The following ZFP64 variants were observed in gnomAD, a reference collection of about 807,000 sequenced individuals.
The protein encoded by ZFP64 is ZFP64 zinc finger protein, also known as zinc finger protein 64.
ZFP64 carries 14 observed loss-of-function variants against 51.6 expected under a neutral mutation model. That is an observed-to-expected ratio of 0.27 (90% confidence interval 0.18 to 0.42). ZFP64 has a LOEUF of 0.42. ZFP64 is among the 10% of genes least tolerant of loss of function. ZFP64 has a pLI of 1.00. For synonymous variants in ZFP64, 375 were observed against 361.4 expected, an observed-to-expected ratio of 1.04 and a Z score of -0.43; for missense variants, 754 against 906.8, an observed-to-expected ratio of 0.83 and a Z score of 2.16.
At chr20:52,176,520 T>TTTTTTTTTTTTTTTTTTA in intron 2 of ZFP64, among the ~76,000 whole-genome samples, 1 of 150,594 alleles carries the variant, frequency 6.6e-6, no homozygotes, top group African/African-American at 2.5e-5. Flanking sequence ...TTTTTTTTTT[T>TTTTTTTTTTTTTTTTTTA]GAGACGGAGT....
At chr20:52,092,539 G>T (rs1341960140) in intron 7 of ZFP64, among the ~76,000 whole-genome samples, 2 of 152,172 alleles carry the variant, frequency 1.3e-5, no homozygotes, top group African/African-American at 4.8e-5. Context: ...ATGTAAAACT[G>T]CGAAGTCTGG....
chr20:52,142,075 T>C (rs1172864358), intron 5 of ZFP64, among the ~76,000 whole-genome samples: 1 of 151,982 alleles, frequency 6.6e-6, no homozygotes, highest in Non-Finnish European at 1.5e-5. Flanking sequence ...GGATAAGAAA[T>C]TGCTTAATGG....
chr20:52,097,465 T>C, intron 6 of ZFP64: 1 of 1,590,410 alleles, frequency 6.3e-7, no homozygotes, highest in Non-Finnish European at 8.5e-7. Flanking sequence ...TTTTTTTTTT[T>C]TTTTTTGGAG....
At position 52,113,421 on chromosome 20, in the gene ZFP64, T is replaced by C. The variant is rs1978699973; in HGVS notation, c.764-14834A>G. ...TTACCCTTGTACCCTTGCCAGGAAT[T>C]CTTTTTTTTTTTTTTTTTTTTTTTG... On this transcript the variant is annotated intron_variant, in intron 5 of 8. Coordinates refer to the ZFP64 transcript ENST00000361387. 1.4e-5 allele frequency among the ~76,000 whole-genome samples: 2 copies of C among 141,720 alleles called. 1 individual carries two copies. Among genetic ancestry groups the C allele is most frequent in the South Asian group, 4.3e-4 (2 of 4,634 alleles). 93.0% of individuals were successfully genotyped at this position (141,720 alleles called of 152,430 possible).
chr20:52,148,588 C>G (rs950620719), downstream of ZFP64, among the ~76,000 whole-genome samples: 2 of 152,068 alleles, frequency 1.3e-5, no homozygotes, highest in African/African-American at 4.8e-5. Context: ...GTGATCCCAG[C>G]TACGTGGGAG....
intron 2 of ZFP64, among the ~76,000 whole-genome samples, chr20:52,178,644 T>C (rs1158817778): frequency 6.6e-6 from 1 of 152,140 alleles, no homozygotes; most frequent in Admixed American, 6.6e-5. Flanking sequence ...GTGCCATCTC[T>C]AGCCACTGTT....
At chr20:52,137,874 T>C (rs7266304) in intron 5 of ZFP64, among the ~76,000 whole-genome samples, 15 of 152,028 alleles carry the variant, frequency 9.9e-5, no homozygotes, top group African/African-American at 3.4e-4. Context: ...TTAACAATCA[T>C]TGTTAAATAT....
chr20:52,097,501 C>T, intron 6 of ZFP64: 1 of 1,481,366 alleles, frequency 6.8e-7, no homozygotes, highest in Non-Finnish European at 9.1e-7. Context: ...GTCGCCCAGG[C>T]TGGAGTGCAG....
intron 5 of ZFP64, among the ~76,000 whole-genome samples, chr20:52,126,168 G>C (rs966338617): frequency 6.6e-6 from 1 of 152,174 alleles, no homozygotes; most frequent in Non-Finnish European, 1.5e-5. Context: ...AAAGTGCTGG[G>C]ATTTCAGGCA....
chr20:52,154,038 T>TA (rs963788517), intron 5 of ZFP64, among the ~76,000 whole-genome samples: 19 of 152,016 alleles, frequency 1.2e-4, no homozygotes, highest in African/African-American at 2.2e-4. Flanking sequence ...TGATTTTTTT[T>TA]AAAAAAAATT....
In ZFP64 at chr20:52,152,969, G is replaced by C. The variant is rs377227608; in HGVS notation, c.1223C>G (p.Thr408Ser). Residue 408 changes from threonine (T) to serine (S), a missense_variant, in exon 6 of 6, where the codon ACC becomes AGC. By Grantham distance (58) the Thr-to-Ser change is moderately conservative (BLOSUM62 1). Coordinates refer to ENST00000216923, the MANE Select transcript of ZFP64 (RefSeq NM_018197.3). ...VKTEALERKD[T>S]GRQSSRQVAK... ...CACCTGCCGGCTGCTCTGCCTGCCG[G>C]TGTCCTTCCTCTCTAGAGCCTCAGT... 1.2e-6 allele frequency: 2 copies of C among 1,613,702 alleles called. No individual in the cohort carries two copies. The highest frequency in any genetic ancestry group is 8.5e-7 in the Non-Finnish European group (1 of 1,180,040).
At chr20:52,094,871 G>A (rs912303773) in intron 7 of ZFP64, among the ~76,000 whole-genome samples, 2 of 152,156 alleles carry the variant, frequency 1.3e-5, no homozygotes, top group Admixed American at 6.5e-5. Context: ...AAAGTGATAA[G>A]TGATCTCAAC....
intron 5 of ZFP64, among the ~76,000 whole-genome samples, chr20:52,102,847 C>T (rs556405072): frequency 2.0e-5 from 3 of 152,200 alleles, no homozygotes; most frequent in African/African-American, 7.2e-5. Flanking sequence ...TGTAAGAGAA[C>T]CTCATGTATT....
intron 5 of ZFP64, among the ~76,000 whole-genome samples, chr20:52,103,183 T>G (rs1180276745): frequency 6.6e-6 from 1 of 152,158 alleles, no homozygotes; most frequent in Non-Finnish European, 1.5e-5. Flanking sequence ...TGGCGAGGGT[T>G]TTAACTCCTG....
Position 52,160,585 on chromosome 20 carries a change from TA to T in ZFP64, c.512-212del, listed in dbSNP as rs1227448865. Among the ~76,000 whole-genome samples, 1 of 152,224 alleles carries T rather than the reference TA, an allele frequency of 6.6e-6. No individual in the cohort carries two copies. Among genetic ancestry groups the T allele is most frequent in the Non-Finnish European group, 1.5e-5 (1 of 68,026 alleles). On this transcript the variant is annotated intron_variant, in intron 4 of 5. Coordinates refer to ENST00000216923, the MANE Select transcript of ZFP64 (RefSeq NM_018197.3). This position sits in a 1 kb window ranked among gnomAD's most constrained non-coding sequence, Gnocchi z 4.2. Reference sequence around the variant, plus strand: ...TCCTTATTGGTATTACTTGAATTTTTAAAATGATGAATATGAATTTCTTATA... The same window carrying T: ...TCCTTATTGGTATTACTTGAATTTTTAAATGATGAATATGAATTTCTTATA...
At chr20:52,146,416 C>T (rs1453015570), downstream of ZFP64, among the ~76,000 whole-genome samples, 2 of 151,712 alleles carry the variant, frequency 1.3e-5, no homozygotes, top group Non-Finnish European at 2.9e-5. Flanking sequence ...ATGATGAGTT[C>T]ATGTCCTTTG....
chr20:52,126,086 T>C (rs1050854018), intron 5 of ZFP64, among the ~76,000 whole-genome samples: 1 of 152,052 alleles, frequency 6.6e-6, no homozygotes, highest in Non-Finnish European at 1.5e-5. Context: ...TTAGTAGAGA[T>C]GGCGTTTTAC....
chr20:52,162,876 AC>A (rs1475474029), intron 4 of ZFP64, among the ~76,000 whole-genome samples: 2 of 151,982 alleles, frequency 1.3e-5, no homozygotes, highest in African/African-American at 4.8e-5. Context: ...AATTAAGCAT[AC>A]CCCCACTCTC....
At chr20:52,146,149 A>T (rs942455851) in intron 5 of ZFP64, among the ~76,000 whole-genome samples, 3 of 152,098 alleles carry the variant, frequency 2.0e-5, no homozygotes, top group African/African-American at 7.2e-5. Context: ...TCATCAAGAT[A>T]TCAGTAGGCA....
Sources: allele counts gnomAD v4.1 joint callset (sites outside exome capture counted in the v4.1 genomes callset), GRCh38; gene constraint gnomAD v4.1.1; non-coding constraint Gnocchi (gnomAD v3.1); transcripts MANE v1.5; gene names NCBI Gene and HGNC (gene_info 2026-07-23, HGNC 2026-07-21).